The following PPIL1 variants were observed in gnomAD, a reference collection of about 807,000 sequenced individuals.
PPIL1 encodes the protein peptidylprolyl isomerase like 1.
A neutral mutation model predicts 19.4 loss-of-function variants in PPIL1; 14 were observed. The observed-to-expected ratio is 0.72, with a 90% CI of 0.48 to 1.13. The LOEUF is 1.13. Ranked by LOEUF, PPIL1 falls within the 50% of genes most tolerant of loss-of-function variation. The pLI, the probability that PPIL1 is intolerant of heterozygous loss-of-function variation, is 0.00. For synonymous variants in PPIL1, 72 were observed against 73.6 expected, an observed-to-expected ratio of 0.98 and a Z score of 0.11; for missense variants, 192 against 218.0, an observed-to-expected ratio of 0.88 and a Z score of 0.75.
intron 2 of PPIL1, among the ~76,000 whole-genome samples, chr6:36,863,006 CCT>C (rs1774320890): frequency 6.6e-6 from 1 of 152,180 alleles, no homozygotes; most frequent in Non-Finnish European, 1.5e-5. Flanking sequence ...CCTCAGTTCC[CCT>C]GTCTGCAAAA....
intron 2 of PPIL1, among the ~76,000 whole-genome samples, chr6:36,859,995 A>AT: frequency 6.6e-6 from 1 of 151,926 alleles, no homozygotes; most frequent in East Asian, 1.9e-4. Context: ...TGCCCAGCTA[A>AT]TTTTTGTATT....
At chr6:36,870,106 A>C (rs1215097045) in intron 2 of PPIL1, among the ~76,000 whole-genome samples, 1 of 144,132 alleles carries the variant, frequency 6.9e-6, no homozygotes, top group Non-Finnish European at 1.5e-5. Flanking sequence ...CATTAAAAAA[A>C]AAAAAACCCA....
At chr6:36,866,056 T>C (rs1774387724) in intron 2 of PPIL1, among the ~76,000 whole-genome samples, 1 of 152,110 alleles carries the variant, frequency 6.6e-6, no homozygotes, top group Non-Finnish European at 1.5e-5. Flanking sequence ...TGAGGCCAAG[T>C]GCAGAGCAGG....
intron 2 of PPIL1, among the ~76,000 whole-genome samples, chr6:36,857,742 T>A (rs568770926): frequency 1.3e-5 from 2 of 151,928 alleles, no homozygotes; most frequent in Non-Finnish European, 2.9e-5. Flanking sequence ...TATGATCATG[T>A]CAGTATACTC....
At chr6:36,870,489 A>G (rs1774486587) in intron 2 of PPIL1, among the ~76,000 whole-genome samples, 1 of 152,248 alleles carries the variant, frequency 6.6e-6, no homozygotes, top group Non-Finnish European at 1.5e-5. Flanking sequence ...GGGGGGAAGC[A>G]TCTGTACTGA....
At chr6:36,872,366 A>G (rs1774529849) in intron 1 of PPIL1, among the ~76,000 whole-genome samples, 1 of 152,164 alleles carries the variant, frequency 6.6e-6, no homozygotes, top group African/African-American at 2.4e-5. Flanking sequence ...AAACTTTTGT[A>G]TTTTTGATCC....
intron 2 of PPIL1, among the ~76,000 whole-genome samples, chr6:36,859,811 TTG>T (rs71880744): frequency 0.21 from 30,027 of 144,676 alleles, 3,262 homozygotes; most frequent in East Asian, 0.27. Context: ...CTGTTTTCTA[TTG>T]TGTGTGTGTG....
In PPIL1 at chr6:36,871,795, C is replaced by T. The variant is rs1248346625; in HGVS notation, c.134G>A (p.Arg45Gln). The T allele has an allele frequency of 6.2e-6, 10 of 1,611,558 alleles. No individual in the cohort carries two copies. Among genetic ancestry groups the T allele is most frequent in the South Asian group, 2.2e-5 (2 of 90,464 alleles). ...GAATTTTGTGCCATTGTAGTAACCT[C>T]GACGAGCCAACTCAGCAAAGTTCTT... is the stretch of plus-strand genomic sequence containing the variant. ...TCKNFAELARRGYYNGTKFHR... is the reference protein window; with the variant it reads ...TCKNFAELARQGYYNGTKFHR... The change falls in exon 2 of 4, where the codon CGA becomes CAA. Residue 45 changes from arginine to glutamine, a missense_variant. Transcript: ENST00000373699.
intron 2 of PPIL1, among the ~76,000 whole-genome samples, chr6:36,868,459 T>C (rs1274180950): frequency 6.6e-6 from 1 of 151,982 alleles, no homozygotes; most frequent in Non-Finnish European, 1.5e-5. Context: ...ACAGAGAAAA[T>C]ATTCAGAAAT....
chr6:36,863,914 C>A (rs1774341619), intron 2 of PPIL1, among the ~76,000 whole-genome samples: 1 of 151,940 alleles, frequency 6.6e-6, no homozygotes, highest in South Asian at 2.1e-4. Flanking sequence ...TGCTCCTCCT[C>A]CGCCCCTCTG....
chr6:36,863,205 C>G (rs1176056135), intron 2 of PPIL1, among the ~76,000 whole-genome samples: 1 of 152,212 alleles, frequency 6.6e-6, no homozygotes, highest in Non-Finnish European at 1.5e-5. Context: ...AAAGTGCCAC[C>G]TCGGGAGGCA....
At chr6:36,856,088 T>C (rs1443637465) in intron 3 of PPIL1, 55 bp from the exon 4 acceptor site, 1 of 1,537,120 alleles carries the variant, frequency 6.5e-7, no homozygotes, top group African/African-American at 1.4e-5. Flanking sequence ...AGGTCCAGTG[T>C]AGAGCTGCTG....
intron 2 of PPIL1, among the ~76,000 whole-genome samples, chr6:36,860,415 T>C (rs898889019): frequency 6.6e-6 from 1 of 152,158 alleles, no homozygotes; most frequent in Non-Finnish European, 1.5e-5. Flanking sequence ...TGAGCTGTGA[T>C]TGCGCCATTG....
chr6:36,867,826 G>C (rs1247388858), intron 2 of PPIL1, among the ~76,000 whole-genome samples: 1 of 152,274 alleles, frequency 6.6e-6, no homozygotes, highest in Non-Finnish European at 1.5e-5. Context: ...GAATAGAATA[G>C]AGAGAAAGCA....
intron 2 of PPIL1, among the ~76,000 whole-genome samples, chr6:36,870,406 T>C (rs1019093150): frequency 3.6e-4 from 55 of 152,284 alleles, no homozygotes; most frequent in African/African-American, 1.3e-3. Flanking sequence ...TACTTACTCA[T>C]GAGCATAGTC....
intron 2 of PPIL1, among the ~76,000 whole-genome samples, chr6:36,868,365 T>C (rs1774435050): frequency 6.6e-6 from 1 of 151,700 alleles, no homozygotes; most frequent in Non-Finnish European, 1.5e-5. Flanking sequence ...TATCACACAA[T>C]CAAAAGAAAT....
chr6:36,855,899 C>T lies in PPIL1; in HGVS notation c.415G>A (p.Val139Met), dbSNP rs772370279. Reference sequence around the variant, plus strand: ...GTTTCTACCATTCCCACGCGATTCACCATTCCTATGCCCTGACACACTCGG... The same window carrying T: ...GTTTCTACCATTCCCACGCGATTCATCATTCCTATGCCCTGACACACTCGG... ...FGRVCQGIGM[V>M]NRVGMVETNS... The change falls in exon 4 of 4, where the codon GTG (valine) becomes ATG (methionine). Residue 139 changes from valine (V) to methionine (M), a missense_variant. Physicochemically the swap from Val to Met is conservative, Grantham distance 21 (BLOSUM62 1). Transcript: ENST00000373699. 6.2e-7 allele frequency: 1 copy of T among 1,614,146 alleles called. No homozygotes were observed. The highest frequency in any genetic ancestry group is 8.5e-7 in the Non-Finnish European group (1 of 1,180,026).
chr6:36,865,631 C>T (rs1774380156), intron 2 of PPIL1, among the ~76,000 whole-genome samples: 1 of 152,194 alleles, frequency 6.6e-6, no homozygotes, highest in Non-Finnish European at 1.5e-5. Context: ...GCATATGCCT[C>T]CTTCCCATCC....
intron 2 of PPIL1, among the ~76,000 whole-genome samples, chr6:36,861,463 A>C (rs1774286645): frequency 6.6e-6 from 1 of 152,128 alleles, no homozygotes; most frequent in African/African-American, 2.4e-5. Context: ...CTGCTCGCTC[A>C]AGTCCCGCTG....
Sources: gnomAD v4.1 joint callset for allele counts (sites outside exome capture counted in the v4.1 genomes callset) on GRCh38, gnomAD v4.1.1 for gene constraint, MANE v1.5 for transcripts, NCBI Gene and HGNC (gene_info 2026-07-23, HGNC 2026-07-21) for gene names.